The following GK variants were observed in gnomAD, a reference collection of about 807,000 sequenced individuals.
GK encodes the protein glycerol kinase, also known as ATP:glycerol 3-phosphotransferase.
Under a neutral mutation model 56.4 loss-of-function variants are expected in GK, and 9 were observed. That is an observed-to-expected ratio of 0.16 (90% CI 0.10 to 0.28). The LOEUF (loss-of-function observed/expected upper bound fraction) is 0.28. Ranked by LOEUF, GK falls within the 10% of genes least tolerant of loss-of-function variation. GK has a pLI of 1.00. For missense variants in GK, 161 were observed against 431.4 expected, an observed-to-expected ratio of 0.37 and a Z score of 5.55; for synonymous variants, 104 against 144.1, an observed-to-expected ratio of 0.72 and a Z score of 1.99.
Position 30,653,562 on chromosome X carries a change from T to A in GK, c.25T>A (p.Leu9Met). 5.8e-6 allele frequency: 7 copies of A among 1,210,992 alleles called. No individual in the cohort carries two copies. The highest frequency in any genetic ancestry group is 1.7e-5 in the African/African-American group (1 of 57,838). Residue 9 changes from leucine (L) to methionine (M), a missense_variant, in exon 1 of 21, where the codon TTG becomes ATG. Physicochemically the swap from Leu to Met is conservative, Grantham distance 15 (BLOSUM62 2). Transcript: ENST00000427190. Reference sequence around the variant, plus strand: ...CATGGCAGCCTCAAAGAAGGCAGTTTTGGGGCCATTGGTGGGGGCGGTGGA... The same window carrying A: ...CATGGCAGCCTCAAAGAAGGCAGTTATGGGGCCATTGGTGGGGGCGGTGGA... The part of the protein sequence containing the change: MAASKKAV[L>M]GPLVGAVDQG...
chrX:30,668,149 T>G (rs746804212), intron 3 of GK, 31 bp downstream of exon 3: 1 of 733,501 alleles, frequency 1.4e-6, no homozygotes, highest in Non-Finnish European at 2.2e-6. Context: ...ACCCACATAA[T>G]AAGACTCTCT....
intron 13 of GK, among the ~76,000 whole-genome samples, chrX:30,713,629 A>G (rs902991850): frequency 1.2e-4 from 13 of 112,036 alleles, no homozygotes; most frequent in Admixed American, 3.8e-4. Context: ...AAAAAGAAAT[A>G]GGTGTTCATG....
intron 9 of GK, chrX:30,698,110 G>A: frequency 6.3e-6 from 1 of 157,616 alleles, no homozygotes; most frequent in Non-Finnish European, 1.2e-5. Context: ...TTCCAGACCA[G>A]TTAGTTGGAA....
chrX:30,655,510 A>C (rs779961904), intron 1 of GK, among the ~76,000 whole-genome samples: 8 of 112,509 alleles, frequency 7.1e-5, no homozygotes, highest in Non-Finnish European at 1.3e-4. Context: ...CAGGTAGTCT[A>C]GAGTTTTCAA....
chrX:30,667,276 T>G (rs943205461), intron 2 of GK, among the ~76,000 whole-genome samples: 1 of 112,345 alleles, frequency 8.9e-6, no homozygotes, highest in African/African-American at 3.2e-5. Context: ...GGAATTCCCT[T>G]GCTACTTCTG....
intron 5 of GK, among the ~76,000 whole-genome samples, chrX:30,691,590 A>G (rs1934937063): frequency 9.5e-6 from 1 of 104,849 alleles, no homozygotes; most frequent in Admixed American, 1.1e-4. Flanking sequence ...CTCCTGCCTC[A>G]GCCTCCCGAG....
chrX:30,668,466 G>T (rs1933236526), intron 3 of GK, among the ~76,000 whole-genome samples: 1 of 111,935 alleles, frequency 8.9e-6, no homozygotes, highest in Admixed American at 9.6e-5. Context: ...AGCTCTCAGA[G>T]GGCAAAAGGG....
chrX:30,659,747 T>C (rs1932604301), intron 1 of GK, among the ~76,000 whole-genome samples: 1 of 112,098 alleles, frequency 8.9e-6, no homozygotes, highest in Non-Finnish European at 1.9e-5. Flanking sequence ...GAAGCTAATT[T>C]TTAAATATTT....
chrX:30,705,696 C>T (rs1282991921), intron 11 of GK, among the ~76,000 whole-genome samples: 2 of 112,479 alleles, frequency 1.8e-5, no homozygotes, highest in Admixed American at 9.4e-5. Flanking sequence ...GCTGAAAGCT[C>T]CATATGTGCT....
chrX:30,657,542 A>G (rs1932388814), intron 1 of GK, among the ~76,000 whole-genome samples: 1 of 112,779 alleles, frequency 8.9e-6, no homozygotes, highest in African/African-American at 3.2e-5. Context: ...TTTTTAAAAG[A>G]CTTGTAATGT....
At chrX:30,718,661 C>T (rs777558553) in intron 14 of GK, 45 bp downstream of exon 14, 3 of 792,902 alleles carry the variant, frequency 3.8e-6, no homozygotes, top group Non-Finnish European at 5.8e-6. Flanking sequence ...AAAAATGACA[C>T]ATTTCAGTAT....
intron 5 of GK, among the ~76,000 whole-genome samples, chrX:30,693,018 T>C (rs1367098145): frequency 3.4e-5 from 3 of 86,996 alleles, no homozygotes; most frequent in African/African-American, 8.4e-5. Context: ...TTTCTTTTTT[T>C]TTTTTTTTTT....
chrX:30,667,949 C>T lies in GK; in HGVS notation c.153-63C>T, dbSNP rs1933193925. On this transcript the variant is annotated intron_variant, in intron 2 of 20. Transcript: ENST00000427190. ...GCCACACCCTCATAAGTTAACATTT[C>T]TATAGAAAAAAGTTATATTTGTGTT... is the stretch of plus-strand genomic sequence containing the variant. 9.4e-6 allele frequency: 6 copies of T among 641,022 alleles called. No homozygotes were observed. In the Admixed American group the frequency reaches 1.4e-4, roughly 15 times the overall value. The allele number at this position is 641,022 out of a possible 1,213,427, so 52.8% of individuals were successfully genotyped here.
intron 5 of GK, among the ~76,000 whole-genome samples, chrX:30,694,122 A>G (rs574435061): frequency 1.8e-5 from 2 of 111,793 alleles, no homozygotes; most frequent in Non-Finnish European, 3.8e-5. Context: ...ATCAACATCT[A>G]CATTGTCACT....
intron 9 of GK, among the ~76,000 whole-genome samples, chrX:30,699,714 C>T (rs1369182564): frequency 1.8e-5 from 2 of 110,608 alleles, no homozygotes; most frequent in South Asian, 3.8e-4. Flanking sequence ...TTAAATATTG[C>T]CTTGAGTTAA....
intron 9 of GK, chrX:30,700,176 A>G (rs1456651869): frequency 1.1e-5 from 4 of 370,059 alleles, no homozygotes; most frequent in Non-Finnish European, 1.9e-5. Context: ...TAGAGCCCTC[A>G]TTTACTGGCT....
rs1307197254 is a variant in GK at position 30,695,098 on chromosome X, A to T, written c.552+561A>T. 3 of 528,261 alleles carry T rather than the reference A, an allele frequency of 5.7e-6. No homozygotes were observed. The South Asian group carries it at 7.3e-5, about 13-fold the overall frequency. 43.5% of individuals were successfully genotyped at this position (528,261 alleles called of 1,213,427 possible). ...CTCCCCACAGATAATTTTAAAACAAATGCCAGACATTTCATTTTATTTGTA... is the reference window on the plus strand; with the variant it reads ...CTCCCCACAGATAATTTTAAAACAATTGCCAGACATTTCATTTTATTTGTA... On this transcript the variant is annotated intron_variant, in intron 6 of 20. Coordinates refer to ENST00000427190, the MANE Select transcript of GK (RefSeq NM_001205019.2).
In GK at chrX:30,691,327, G is replaced by A. The variant is rs55895067; in HGVS notation, c.414+128G>A. On this transcript the variant is annotated intron_variant, in intron 5 of 20. Coordinates refer to ENST00000427190, the MANE Select transcript of GK (RefSeq NM_001205019.2). The stretch of plus-strand genomic sequence containing the variant: ...ATACAATTTATAGAATCTTTTTCCC[G>A]GATAATTGAGGCCAACTCAAGTCTT... The A allele has an allele frequency of 0.31, 138,603 of 442,825 alleles. 14,965 individuals are homozygous for A. Among genetic ancestry groups the A allele is most frequent in the East Asian group, 0.44 (11,315 of 25,667 alleles). 36.5% of individuals were successfully genotyped at this position (442,825 alleles called of 1,213,427 possible).
chrX:30,712,907 G>A (rs1862259315), intron 13 of GK, among the ~76,000 whole-genome samples: 1 of 108,361 alleles, frequency 9.2e-6, no homozygotes, highest in Admixed American at 9.9e-5. Context: ...TGTATTTTTA[G>A]TAAAGACTGG....
Sources: allele counts gnomAD v4.1 joint callset (sites outside exome capture counted in the v4.1 genomes callset), GRCh38; gene constraint gnomAD v4.1.1; transcripts MANE v1.5; gene names NCBI Gene and HGNC (gene_info 2026-07-23, HGNC 2026-07-21).